ARL15: variants seen among roughly 807,000 people sequenced by gnomAD.
The protein encoded by ARL15 is ADP-ribosylation factor-like protein 15.
In ARL15, 19 loss-of-function variants were observed where a neutral mutation model predicts 25.2. That is an observed-to-expected ratio of 0.75 (90% CI 0.53 to 1.10). The LOEUF is 1.10. Ranked by LOEUF, ARL15 falls within the 50% of genes least tolerant of loss-of-function variation. The pLI, the probability that ARL15 is intolerant of heterozygous loss-of-function variation, is 0.00. For missense variants in ARL15, 220 were observed against 246.0 expected, an observed-to-expected ratio of 0.89 and a Z score of 0.71; for synonymous variants, 94 against 86.8, an observed-to-expected ratio of 1.08 and a Z score of -0.46.
chr5:54,301,689 A>G (rs1758619748), intron 1 of ARL15, among the ~76,000 whole-genome samples: 2 of 152,328 alleles, frequency 1.3e-5, no homozygotes, highest in East Asian at 1.9e-4. Flanking sequence ...TAGACCTCCA[A>G]TGCCTCAATC....
chr5:54,062,624 T>C (rs548831960), intron 4 of ARL15, among the ~76,000 whole-genome samples: 1 of 152,300 alleles, frequency 6.6e-6, no homozygotes, highest in South Asian at 2.1e-4. Context: ...GCCATGATTG[T>C]AAGGCCTCCC....
chr5:53,888,722 G>A (rs702613), intron 4 of ARL15, among the ~76,000 whole-genome samples: 16,643 of 152,182 alleles, frequency 0.11, 1,161 homozygotes, highest in Admixed American at 0.22. Context: ...ACCCAACTCC[G>A]CAGAGGGAAG....
chr5:54,083,228 G>T (rs1579780291), intron 4 of ARL15, among the ~76,000 whole-genome samples: 1 of 152,128 alleles, frequency 6.6e-6, no homozygotes, highest in East Asian at 1.9e-4. Flanking sequence ...TAAAAAAGAA[G>T]AATAAAGGAA....
At chr5:54,225,298 C>G (rs1331811541) in intron 1 of ARL15, among the ~76,000 whole-genome samples, 1 of 152,092 alleles carries the variant, frequency 6.6e-6, no homozygotes, top group South Asian at 2.1e-4. Flanking sequence ...TGGGGACTAG[C>G]GGAGAGAAGC....
intron 1 of ARL15, among the ~76,000 whole-genome samples, chr5:54,199,716 C>T (rs1284795494): frequency 6.6e-6 from 1 of 150,672 alleles, no homozygotes; most frequent in East Asian, 1.9e-4. Flanking sequence ...CTAGTTCAAC[C>T]ATTGTGGAAG....
intron 4 of ARL15, among the ~76,000 whole-genome samples, chr5:53,984,834 G>A (rs1580142246): frequency 6.6e-6 from 1 of 152,034 alleles, no homozygotes; most frequent in Admixed American, 6.5e-5. Context: ...CATTTTCAAA[G>A]TGATTCCTGC....
At chr5:54,237,739 T>C (rs1433253600) in intron 1 of ARL15, among the ~76,000 whole-genome samples, 3 of 152,208 alleles carry the variant, frequency 2.0e-5, no homozygotes, top group Non-Finnish European at 4.4e-5. Flanking sequence ...ATGCGGGTGA[T>C]CCTTTGTAGA....
In ARL15 at chr5:54,229,560, C is replaced by T. The variant is rs567738419; in HGVS notation, c.49-57632G>A. Among the ~76,000 whole-genome samples the T allele has an allele frequency of 6.2e-4, 94 of 152,290 alleles. 2 individuals carry two copies. In the South Asian group the frequency reaches 0.01, roughly 16 times the overall value. On this transcript the variant is annotated intron_variant, in intron 1 of 4. Transcript: ENST00000504924. ...CTAACAAACAGTTTTAGAGACAAGT[C>T]ACCAAGATCTTAGCTTGAGATACAC...
chr5:54,070,573 C>T (rs1751388428), intron 4 of ARL15, among the ~76,000 whole-genome samples: 1 of 151,324 alleles, frequency 6.6e-6, no homozygotes, highest in African/African-American at 2.4e-5. Flanking sequence ...GGGTCTGGTG[C>T]CTCATACCTG....
At chr5:53,989,895 G>C (rs1748425815) in intron 4 of ARL15, among the ~76,000 whole-genome samples, 1 of 152,150 alleles carries the variant, frequency 6.6e-6, no homozygotes, top group South Asian at 2.1e-4. Flanking sequence ...ACTAGATTAA[G>C]AACAGGGCAG....
chr5:54,186,431 C>T (rs1351269264), intron 1 of ARL15, among the ~76,000 whole-genome samples: 3 of 152,188 alleles, frequency 2.0e-5, no homozygotes, highest in African/African-American at 7.2e-5. Flanking sequence ...ACTTTAAAAG[C>T]TGGAATGAAT....
intron 4 of ARL15, among the ~76,000 whole-genome samples, chr5:53,983,621 TGGTC>T (rs1275710900): frequency 1.4e-4 from 21 of 152,248 alleles, no homozygotes; most frequent in Non-Finnish European, 2.4e-4. Context: ...AATTGTAAAT[TGGTC>T]TACTTTCTTT....
intron 2 of ARL15, among the ~76,000 whole-genome samples, chr5:54,164,088 GT>G (rs1754499530): frequency 6.6e-6 from 1 of 151,908 alleles, no homozygotes; most frequent in South Asian, 2.1e-4. Context: ...TTGTCATTCA[GT>G]GCAAAATCCT....
intron 1 of ARL15, among the ~76,000 whole-genome samples, chr5:54,217,541 G>A (rs572994136): frequency 5.9e-4 from 90 of 152,172 alleles, no homozygotes; most frequent in Non-Finnish European, 1.1e-3. Context: ...AAAAACTGTA[G>A]AGATATTAGC....
intron 3 of ARL15, among the ~76,000 whole-genome samples, chr5:54,114,078 AAAAC>A (rs538713833): frequency 6.4e-4 from 97 of 151,976 alleles, no homozygotes; most frequent in African/African-American, 2.2e-3. Flanking sequence ...GATGTTTATT[AAAAC>A]AAACAAATAA....
intron 1 of ARL15, among the ~76,000 whole-genome samples, chr5:54,304,390 C>G (rs1191803861): frequency 6.6e-6 from 1 of 152,214 alleles, no homozygotes; most frequent in African/African-American, 2.4e-5. Context: ...TTTTGCCCTC[C>G]TGATTATAAC....
intron 3 of ARL15, among the ~76,000 whole-genome samples, chr5:54,131,099 C>T (rs184661166): frequency 2.2e-4 from 33 of 152,276 alleles, no homozygotes; most frequent in African/African-American, 7.7e-4. Flanking sequence ...ATGCTCTCCC[C>T]ATCTCTTGTC....
At chr5:54,006,051 CAAAAA>C (rs56094450) in intron 4 of ARL15, among the ~76,000 whole-genome samples, 1 of 57,568 alleles carries the variant, frequency 1.7e-5, no homozygotes, top group Non-Finnish European at 3.3e-5. Context: ...ATTACATCTC[CAAAAA>C]AAAAAAAAAA....
chr5:54,209,786 A>C (rs2112503957), intron 1 of ARL15, among the ~76,000 whole-genome samples: 1 of 152,302 alleles, frequency 6.6e-6, no homozygotes, highest in East Asian at 1.9e-4. Context: ...AGTTACTTGC[A>C]AAGTCAACAT....
Sources: allele counts gnomAD v4.1 joint callset (sites outside exome capture counted in the v4.1 genomes callset), GRCh38; gene constraint gnomAD v4.1.1; transcripts MANE v1.5; gene names NCBI Gene and HGNC (gene_info 2026-07-23, HGNC 2026-07-21).